PATJ: variants seen among roughly 807,000 people sequenced by gnomAD.
PATJ encodes inaD-like protein.
Under a neutral mutation model 224.9 loss-of-function variants are expected in PATJ, and 190 were observed. The observed-to-expected ratio is 0.84, with a 90% CI of 0.75 to 0.95. PATJ has a LOEUF of 0.95. Ranked by LOEUF, PATJ falls within the 40% of genes least tolerant of loss-of-function variation. The probability of loss-of-function intolerance (pLI) is 0.00; values close to 1 mark genes in which losing one functional copy is unlikely to be tolerated. For missense variants in PATJ, 2,121 were observed against 2,270.3 expected, an observed-to-expected ratio of 0.93 and a Z score of 1.34; for synonymous variants, 769 against 820.3, an observed-to-expected ratio of 0.94 and a Z score of 1.07.
At chr1:61,767,522 G>A (rs1396655442) in intron 4 of PATJ, among the ~76,000 whole-genome samples, 2 of 152,130 alleles carry the variant, frequency 1.3e-5, no homozygotes, top group African/African-American at 4.8e-5. Context: ...CTGGGTGACA[G>A]AGCCAAGACC....
In PATJ at chr1:61,864,506, TG is replaced by T; in HGVS notation, c.2709del (p.Asn904MetfsTer42). 1 of 1,614,118 alleles carries T rather than the reference TG, an allele frequency of 6.2e-7. No homozygotes were observed. Among genetic ancestry groups the T allele is most frequent in the Non-Finnish European group, 8.5e-7 (1 of 1,179,998 alleles). ...HIQEATPVPS[V>X]NELHFGTQWL... ...CAAGAGGCCACTCCTGTGCCCTCTG[TG>T]AATGAACTTCACTTTGGTACACAGT... On this transcript the variant is annotated frameshift_variant, in exon 20 of 44. Coordinates refer to ENST00000642238, the MANE Select transcript of PATJ (RefSeq NM_001350145.3). LOFTEE classifies it high-confidence loss of function.
chr1:62,030,511 T>C (rs1649026266), intron 29 of PATJ, among the ~76,000 whole-genome samples: 2 of 148,712 alleles, frequency 1.3e-5, no homozygotes, highest in Admixed American at 6.9e-5. Context: ...CACATTATCA[T>C]GGATTTATTT....
intron 6 of PATJ, among the ~76,000 whole-genome samples, chr1:61,772,387 G>A (rs35737545): frequency 0.077 from 11,761 of 152,032 alleles, 566 homozygotes; most frequent in Middle Eastern, 0.11. Context: ...TTTTTTTCAT[G>A]TAAAGATACA....
chr1:61,795,555 T>G lies in PATJ; in HGVS notation c.1257T>G (p.Val419=). The part of the protein sequence containing the change: ...NGHIQVNDKI[V]AVDGVNIQGF... ...ACATTCAAGTGAATGACAAAATAGT[T>G]GCTGTAAGTAACTCGCCTCTGTTTT... The change falls in exon 10 of 44, where the codon GTT becomes GTG. Residue 419 remains valine, a synonymous_variant. Transcript: ENST00000642238. The G allele has an allele frequency of 6.3e-7, 1 of 1,596,858 alleles. No homozygotes were observed. The highest frequency in any genetic ancestry group is 8.6e-7 in the Non-Finnish European group (1 of 1,165,314).
intron 43 of PATJ, among the ~76,000 whole-genome samples, chr1:62,154,298 T>C (rs2149051525): frequency 6.6e-6 from 1 of 152,298 alleles, no homozygotes; most frequent in African/African-American, 2.4e-5. Context: ...CTACAGTTTT[T>C]TTTTCTTCTT....
chr1:61,748,281 G>T, intron 1 of PATJ, among the ~76,000 whole-genome samples: 1 of 96,702 alleles, frequency 1.0e-5, no homozygotes, highest in Non-Finnish European at 1.9e-5. Flanking sequence ...TTTGAGACGA[G>T]TCTTGCTCTT....
At chr1:61,802,010 A>G (rs1485897483) in intron 12 of PATJ, among the ~76,000 whole-genome samples, 1 of 150,720 alleles carries the variant, frequency 6.6e-6, no homozygotes, top group Non-Finnish European at 1.5e-5. Flanking sequence ...ATATGTATAC[A>G]TGTGCAATGT....
intron 14 of PATJ, among the ~76,000 whole-genome samples, chr1:61,814,549 C>CGA: frequency 9.3e-6 from 1 of 107,726 alleles, no homozygotes; most frequent in South Asian, 3.1e-4. Flanking sequence ...TGTGTGTGTG[C>CGA]GCGCGCGCGC....
chr1:61,947,382 A>G (rs1308789898), intron 27 of PATJ, among the ~76,000 whole-genome samples: 1 of 152,190 alleles, frequency 6.6e-6, no homozygotes, highest in Non-Finnish European at 1.5e-5. Context: ...TCAGGATACA[A>G]AATCACTGTG....
At chr1:61,796,401 A>G (rs1651108193) in intron 10 of PATJ, among the ~76,000 whole-genome samples, 1 of 152,348 alleles carries the variant, frequency 6.6e-6, no homozygotes, top group Non-Finnish European at 1.5e-5. Context: ...GGTGATATGA[A>G]TAGAGGGATG....
chr1:61,840,857 A>C (rs1171247706), intron 17 of PATJ, among the ~76,000 whole-genome samples: 1 of 152,098 alleles, frequency 6.6e-6, no homozygotes, highest in Admixed American at 6.5e-5. Flanking sequence ...GCTTGCATTT[A>C]AGTTTGTGAG....
At position 61,966,742 on chromosome 1, in the gene PATJ, A is replaced by C. The variant is rs1009801908; in HGVS notation, c.3671-23426A>C. Among the ~76,000 whole-genome samples the C allele has an allele frequency of 5.8e-4, 88 of 151,508 alleles. 2 individuals carry two copies. The highest frequency in any genetic ancestry group is 3.4e-4 in the Non-Finnish European group (23 of 67,942). On this transcript the variant is annotated intron_variant, in intron 27 of 43. Transcript: ENST00000642238. ...GAAAGTAAAGGAATAAAGAATGGCTACTCCATAGAGCAGCTGGTTGCCCAT... is the reference window on the plus strand; with the variant it reads ...GAAAGTAAAGGAATAAAGAATGGCTCCTCCATAGAGCAGCTGGTTGCCCAT...
intron 20 of PATJ, 43 bp from the exon 21 acceptor site, chr1:61,875,200 T>C: frequency 7.3e-7 from 1 of 1,368,420 alleles, no homozygotes; most frequent in Non-Finnish European, 1.0e-6. Flanking sequence ...AATACATTTT[T>C]TTCATAAAGT....
Position 62,049,285 on chromosome 1 carries a change from TA to T in PATJ, c.4033-1680del, listed in dbSNP as rs1653154072. ...CACACACACACACACACACACAGAG[TA>T]TTTTTTTTTCTGAAAAGATTATCTT... On this transcript the variant is annotated intron_variant, in intron 30 of 43. Coordinates refer to ENST00000642238, the MANE Select transcript of PATJ (RefSeq NM_001350145.3). Among the ~76,000 whole-genome samples, 8 of 94,088 alleles carry T rather than the reference TA, an allele frequency of 8.5e-5. No homozygotes were observed. In the South Asian group the frequency reaches 2.8e-3, roughly 33 times the overall value. 61.7% of individuals were successfully genotyped at this position (94,088 alleles called of 152,430 possible). A position where few individuals can be genotyped will look rare whatever the true frequency, so the allele number is the denominator to read the frequency against.
intron 1 of PATJ, among the ~76,000 whole-genome samples, chr1:61,746,358 G>A (rs1210591547): frequency 2.6e-5 from 4 of 152,216 alleles, no homozygotes; most frequent in African/African-American, 4.8e-5. Flanking sequence ...GCTTACAGGC[G>A]TGAGCCACCC....
chr1:61,852,926 C>T (rs1663066163), intron 17 of PATJ, among the ~76,000 whole-genome samples: 1 of 152,100 alleles, frequency 6.6e-6, no homozygotes, highest in South Asian at 2.1e-4. Flanking sequence ...AAATCACAGG[C>T]AGAAAAGTCA....
At chr1:61,800,150 G>C (rs1652168980) in intron 11 of PATJ, among the ~76,000 whole-genome samples, 1 of 152,132 alleles carries the variant, frequency 6.6e-6, no homozygotes, top group South Asian at 2.1e-4. Flanking sequence ...GCTATTTTTA[G>C]TTCTTTAAGA....
At chr1:62,102,629 G>A (rs1662316316) in intron 33 of PATJ, among the ~76,000 whole-genome samples, 1 of 151,954 alleles carries the variant, frequency 6.6e-6, no homozygotes, top group Non-Finnish European at 1.5e-5. Context: ...GAGGTGAGAG[G>A]ATCACTTCAG....
chr1:61,795,886 A>G (rs957583449), intron 10 of PATJ, among the ~76,000 whole-genome samples: 1 of 152,190 alleles, frequency 6.6e-6, no homozygotes, highest in Non-Finnish European at 1.5e-5. Context: ...CATTTTATCT[A>G]TAATTAATAG....
Sources: gnomAD v4.1 joint callset for allele counts (sites outside exome capture counted in the v4.1 genomes callset) on GRCh38, gnomAD v4.1.1 for gene constraint, MANE v1.5 for transcripts, NCBI Gene and HGNC (gene_info 2026-07-23, HGNC 2026-07-21) for gene names.